Variants in ST14 observed in about 807,000 individuals in gnomAD.
ST14 encodes ST14 transmembrane serine protease matriptase.
In ST14, 40 loss-of-function variants were observed where a neutral mutation model predicts 96.5. The ratio of observed to expected loss-of-function variants is 0.41; its 90% CI spans 0.32 to 0.54. The LOEUF (loss-of-function observed/expected upper bound fraction) is 0.54. Among genes scored for constraint, ST14 ranks in the 20% least tolerant of loss-of-function variants. ST14 has a pLI of 0.17. For synonymous variants in ST14, 506 were observed against 492.1 expected, an observed-to-expected ratio of 1.03 and a Z score of -0.37; for missense variants, 1,066 against 1,188.9, an observed-to-expected ratio of 0.90 and a Z score of 1.52.
chr11:130,163,269 T>C (rs1953012553), intron 1 of ST14, among the ~76,000 whole-genome samples: 1 of 152,194 alleles, frequency 6.6e-6, no homozygotes, highest in East Asian at 1.9e-4. Flanking sequence ...CAGAGACCTC[T>C]TCCTAAGACC....
At chr11:130,166,792 C>A (rs1007970185) in intron 1 of ST14, among the ~76,000 whole-genome samples, 1 of 152,152 alleles carries the variant, frequency 6.6e-6, no homozygotes, top group Non-Finnish European at 1.5e-5. Flanking sequence ...AGTGTGACTG[C>A]CCAAAGTCGA....
At chr11:130,179,124 G>A (rs1279736640) in intron 1 of ST14, among the ~76,000 whole-genome samples, 1 of 152,164 alleles carries the variant, frequency 6.6e-6, no homozygotes, top group Non-Finnish European at 1.5e-5. Flanking sequence ...GGTGGGTGGA[G>A]TTTCTCCAAC....
At chr11:130,176,964 A>G (rs915889187) in intron 1 of ST14, among the ~76,000 whole-genome samples, 1 of 150,710 alleles carries the variant, frequency 6.6e-6, no homozygotes, top group Non-Finnish European at 1.5e-5. Flanking sequence ...GCACCTGGCT[A>G]ATTTTTTGTA....
chr11:130,194,859 T>TGTGTGTGTGTGTGTGTGC, intron 9 of ST14, 122 bp downstream of exon 9: 1 of 119,516 alleles, frequency 8.4e-6, no homozygotes, highest in Non-Finnish European at 1.3e-5. Context: ...TGCATGTGTG[T>TGTGTGTGTGTGTGTGTGC]GTGTGTGTGT....
intron 1 of ST14, among the ~76,000 whole-genome samples, chr11:130,171,286 A>G (rs1953090206): frequency 6.6e-6 from 1 of 152,158 alleles, no homozygotes; most frequent in Non-Finnish European, 1.5e-5. Flanking sequence ...CTATTATTCT[A>G]TTTATTTATA....
intron 14 of ST14, 81 bp downstream of exon 14, chr11:130,198,702 GC>G: frequency 1.4e-6 from 2 of 1,395,932 alleles, no homozygotes; most frequent in South Asian, 2.4e-5. Context: ...CATGCAGGAC[GC>G]CCCGAGTTTA....
At chr11:130,199,678 CG>C (rs1445328443) in intron 15 of ST14, among the ~76,000 whole-genome samples, 3 of 152,142 alleles carry the variant, frequency 2.0e-5, no homozygotes, top group African/African-American at 7.2e-5. Flanking sequence ...AGCCAGCCTC[CG>C]GAGGCCCTCG....
intron 17 of ST14, 22 bp downstream of exon 17, chr11:130,208,706 G>C: frequency 2.5e-6 from 4 of 1,606,640 alleles, no homozygotes; most frequent in Non-Finnish European, 3.4e-6. Context: ...GCTGACCTAG[G>C]GCTCCGCAGA....
chr11:130,202,541 G>A (rs1156722353), intron 16 of ST14, among the ~76,000 whole-genome samples: 2 of 152,226 alleles, frequency 1.3e-5, no homozygotes, highest in Non-Finnish European at 2.9e-5. Flanking sequence ...GAGGGTTGAA[G>A]GTGAGGGTGT....
At position 130,190,649 on chromosome 11, in the gene ST14, C is replaced by T. The variant is rs146795696; in HGVS notation, c.830C>T (p.Thr277Met). 658 of 1,606,068 alleles carry T rather than the reference C, an allele frequency of 4.1e-4. 5 individuals are homozygous for T. In the South Asian group the frequency reaches 4.8e-3, roughly 12 times the overall value. Residue 277 changes from threonine (T) to methionine (M), a missense_variant, in exon 7 of 19, where the codon ACG becomes ATG. Physicochemically the swap from Thr to Met is moderately conservative, Grantham distance 81. Transcript: ENST00000278742. ...GACGAGCGCGGCAGCGACCTGGTGA[C>T]GGTGTACAACACCCTGAGCCCCATG... The part of the protein sequence containing the change: ...SCDERGSDLV[T>M]VYNTLSPMEP...
At chr11:130,208,193 G>C (rs143227720) in intron 16 of ST14, among the ~76,000 whole-genome samples, 9 of 152,322 alleles carry the variant, frequency 5.9e-5, no homozygotes, top group South Asian at 2.1e-4. Flanking sequence ...TTCAAGGAAG[G>C]GGGGGTAAAG....
At chr11:130,204,554 A>G (rs1046095152) in intron 16 of ST14, among the ~76,000 whole-genome samples, 2 of 152,070 alleles carry the variant, frequency 1.3e-5, no homozygotes, top group Non-Finnish European at 2.9e-5. Context: ...GCTCATGCCT[A>G]TAATCCCAGC....
intron 1 of ST14, among the ~76,000 whole-genome samples, chr11:130,168,506 T>A (rs1008882891): frequency 1.3e-5 from 2 of 152,166 alleles, no homozygotes; most frequent in African/African-American, 4.8e-5. Flanking sequence ...TGCTAATTAG[T>A]GCAGAGGTGA....
At chr11:130,203,313 G>A (rs926711446) in intron 16 of ST14, among the ~76,000 whole-genome samples, 2 of 152,176 alleles carry the variant, frequency 1.3e-5, no homozygotes, top group African/African-American at 2.4e-5. Context: ...CCTCCTGGGT[G>A]TTCCTGAAAC....
intron 5 of ST14, 62 bp downstream of exon 5, chr11:130,189,958 C>A: frequency 2.5e-6 from 4 of 1,612,892 alleles, no homozygotes; most frequent in Non-Finnish European, 3.4e-6. Context: ...TGGGGCTGGG[C>A]CCTGGACCAT....
chr11:130,169,261 A>G (rs1953068193), intron 1 of ST14, among the ~76,000 whole-genome samples: 1 of 151,860 alleles, frequency 6.6e-6, no homozygotes, highest in Admixed American at 6.6e-5. Flanking sequence ...CACCCAGCTA[A>G]TTTTTGTATT....
At chr11:130,167,532 A>G (rs1953053300) in intron 1 of ST14, among the ~76,000 whole-genome samples, 1 of 152,250 alleles carries the variant, frequency 6.6e-6, no homozygotes, top group Non-Finnish European at 1.5e-5. Context: ...TGCAGTAAAG[A>G]TATGATTTTA....
At chr11:130,185,955 G>A (rs543312864) in intron 1 of ST14, among the ~76,000 whole-genome samples, 39 of 152,174 alleles carry the variant, frequency 2.6e-4, no homozygotes, top group African/African-American at 9.4e-4. Flanking sequence ...TTACATGCAC[G>A]TGCCACCGCG....
At chr11:130,168,431 G>A (rs982018962) in intron 1 of ST14, among the ~76,000 whole-genome samples, 1 of 152,200 alleles carries the variant, frequency 6.6e-6, no homozygotes, top group African/African-American at 2.4e-5. Flanking sequence ...GAGCACACGA[G>A]CACCGATGTA....
Sources: allele counts gnomAD v4.1 joint callset (sites outside exome capture counted in the v4.1 genomes callset), GRCh38; gene constraint gnomAD v4.1.1; transcripts MANE v1.5; gene names NCBI Gene and HGNC (gene_info 2026-07-23, HGNC 2026-07-21).